The following APPBP2 variants were observed in gnomAD, a reference collection of about 807,000 sequenced individuals.
The protein encoded by APPBP2 is amyloid protein-binding protein 2.
Under a neutral mutation model 76.0 loss-of-function variants are expected in APPBP2, and 15 were observed. The observed-to-expected ratio is 0.20, with a 90% CI of 0.13 to 0.30. APPBP2 has a LOEUF of 0.30. APPBP2 is among the 10% of genes least tolerant of loss of function. The pLI is 1.00. For missense variants in APPBP2, 401 were observed against 687.2 expected, an observed-to-expected ratio of 0.58 and a Z score of 4.66; for synonymous variants, 222 against 242.2, an observed-to-expected ratio of 0.92 and a Z score of 0.77.
At chr17:60,515,076 T>C (rs2090951872) in intron 1 of APPBP2, among the ~76,000 whole-genome samples, 1 of 151,916 alleles carries the variant, frequency 6.6e-6, no homozygotes, top group Non-Finnish European at 1.5e-5. Context: ...AGTGCTGGGA[T>C]TACAGGCATC....
At chr17:60,517,512 ACTT>A (rs1296897772) in intron 1 of APPBP2, among the ~76,000 whole-genome samples, 4 of 152,320 alleles carry the variant, frequency 2.6e-5, no homozygotes, top group African/African-American at 9.6e-5. Context: ...TTTCTAAAAA[ACTT>A]TTTTCATATT....
intron 1 of APPBP2, among the ~76,000 whole-genome samples, chr17:60,501,781 G>A (rs1300689419): frequency 6.6e-6 from 1 of 152,122 alleles, no homozygotes; most frequent in Non-Finnish European, 1.5e-5. Context: ...CTCTCCAAAT[G>A]GGCCAGTTTA....
intron 4 of APPBP2, among the ~76,000 whole-genome samples, chr17:60,467,140 C>A (rs1042381493): frequency 2.0e-5 from 3 of 150,738 alleles, no homozygotes; most frequent in Admixed American, 1.3e-4. Context: ...AGTGTTAGGA[C>A]TGGACAAATA....
chr17:60,460,590 T>A, intron 9 of APPBP2, 73 bp downstream of exon 9: 2 of 1,468,994 alleles, frequency 1.4e-6, no homozygotes, highest in Non-Finnish European at 1.9e-6. Context: ...TAATAATAGT[T>A]CCCTAATGGG....
chr17:60,501,708 A>G (rs576638550), intron 1 of APPBP2, among the ~76,000 whole-genome samples: 5 of 152,314 alleles, frequency 3.3e-5, no homozygotes, highest in African/African-American at 1.2e-4. Flanking sequence ...ATTTGACTTT[A>G]TATTACAGGC....
At chr17:60,515,731 A>C (rs1327968170) in intron 1 of APPBP2, among the ~76,000 whole-genome samples, 1 of 152,254 alleles carries the variant, frequency 6.6e-6, no homozygotes, top group African/African-American at 2.4e-5. Flanking sequence ...TCTTAATTTG[A>C]GAGAAACAAC....
chr17:60,458,781 T>C (rs866202871), intron 9 of APPBP2, among the ~76,000 whole-genome samples: 1 of 150,864 alleles, frequency 6.6e-6, no homozygotes, highest in Admixed American at 6.6e-5. Flanking sequence ...TTTTTTTTTT[T>C]GTTTTTTTTT....
chr17:60,480,995 T>C (rs1279032875), intron 3 of APPBP2, among the ~76,000 whole-genome samples: 1 of 152,166 alleles, frequency 6.6e-6, no homozygotes, highest in Admixed American at 6.5e-5. Flanking sequence ...TTCCAATGCT[T>C]GCAAAACCAG....
At chr17:60,475,770 G>A (rs779566103) in intron 4 of APPBP2, among the ~76,000 whole-genome samples, 6 of 151,274 alleles carry the variant, frequency 4.0e-5, no homozygotes, top group Middle Eastern at 3.2e-3. Context: ...AGGAATACAT[G>A]TCAATGGTTT....
intron 12 of APPBP2, 28 bp downstream of exon 12, chr17:60,451,848 AACTG>A: frequency 6.4e-7 from 1 of 1,565,548 alleles, no homozygotes; most frequent in South Asian, 1.2e-5. Flanking sequence ...ATTTGTAATC[AACTG>A]ACTAAAGAAA....
At chr17:60,492,912 T>C (rs1239415197) in intron 3 of APPBP2, among the ~76,000 whole-genome samples, 5 of 152,198 alleles carry the variant, frequency 3.3e-5, no homozygotes, top group Admixed American at 6.5e-5. Flanking sequence ...TGGAATGATA[T>C]GATTTGGCTG....
chr17:60,466,694 T>A (rs1470558466), intron 4 of APPBP2, among the ~76,000 whole-genome samples: 1 of 152,008 alleles, frequency 6.6e-6, no homozygotes, highest in African/African-American at 2.4e-5. Context: ...TCTCTAAATA[T>A]TTTATATATT....
At chr17:60,489,649 A>G (rs2090710377) in intron 3 of APPBP2, among the ~76,000 whole-genome samples, 1 of 151,560 alleles carries the variant, frequency 6.6e-6, no homozygotes, top group Non-Finnish European at 1.5e-5. Context: ...AATGACTGTT[A>G]AAAGTTGTTG....
intron 11 of APPBP2, among the ~76,000 whole-genome samples, chr17:60,452,953 C>A (rs1328285310): frequency 6.6e-6 from 1 of 151,998 alleles, no homozygotes. Context: ...ATATATAACT[C>A]AAAATTCTAA....
At position 60,445,418 on chromosome 17, in the gene APPBP2, T is replaced by C. The variant is rs1041951328; in HGVS notation, c.*2163A>G. ...TATTTTTATCCTAGGAAATGCTGTATGTGCACAAAACCAAAAAATACAGAT... is the reference window on the plus strand; with the variant it reads ...TATTTTTATCCTAGGAAATGCTGTACGTGCACAAAACCAAAAAATACAGAT... On this transcript the variant is annotated 3_prime_UTR_variant, in exon 13 of 13. Coordinates refer to ENST00000083182, the MANE Select transcript of APPBP2 (RefSeq NM_006380.5). 6.6e-6 allele frequency: 1 copy of C among 152,032 alleles called. No homozygotes were observed. The highest frequency in any genetic ancestry group is 2.1e-4 in the South Asian group (1 of 4,822). 9.4% of individuals were successfully genotyped at this position (152,032 alleles called of 1,614,324 possible). A position where few individuals can be genotyped will look rare whatever the true frequency, so the allele number is the denominator to read the frequency against.
At chr17:60,495,438 TATTATTTA>T (rs1347898580) in intron 2 of APPBP2, among the ~76,000 whole-genome samples, 12 of 105,416 alleles carry the variant, frequency 1.1e-4, no homozygotes, top group Admixed American at 1.0e-3. Context: ...TTTATTTATT[TATTATTTA>T]TTTATTTATT....
At chr17:60,489,214 T>G (rs1349628072) in intron 3 of APPBP2, among the ~76,000 whole-genome samples, 2 of 148,614 alleles carry the variant, frequency 1.3e-5, no homozygotes, top group Non-Finnish European at 3.0e-5. Context: ...AGTACAAGAC[T>G]CTGTCTCAAA....
intron 11 of APPBP2, 43 bp from the exon 12 acceptor site, chr17:60,452,088 A>C: frequency 6.3e-7 from 1 of 1,591,338 alleles, no homozygotes; most frequent in Non-Finnish European, 8.6e-7. Context: ...ACTTTTTCTC[A>C]TCTTAACAGT....
chr17:60,445,903 T>C lies in APPBP2; in HGVS notation c.*1678A>G, dbSNP rs2090342466. On this transcript the variant is annotated 3_prime_UTR_variant, in exon 13 of 13. Coordinates refer to ENST00000083182, the MANE Select transcript of APPBP2 (RefSeq NM_006380.5). ...CCCCTCCTAGGGAACTTAAATGCAA[T>C]GGCTCAAAACTAATAGGACTGCAAA... The C allele has an allele frequency of 6.6e-6, 1 of 152,230 alleles. No homozygotes were observed. The highest frequency in any genetic ancestry group is 1.5e-5 in the Non-Finnish European group (1 of 68,118). 9.4% of individuals were successfully genotyped at this position (152,230 alleles called of 1,614,324 possible). A position where few individuals can be genotyped will look rare whatever the true frequency, so the allele number is the denominator to read the frequency against.
Sources: allele counts gnomAD v4.1 joint callset (sites outside exome capture counted in the v4.1 genomes callset), GRCh38; gene constraint gnomAD v4.1.1; transcripts MANE v1.5; gene names NCBI Gene and HGNC (gene_info 2026-07-23, HGNC 2026-07-21).